Variants in FHIP1B observed in about 807,000 individuals in gnomAD.
FHIP1B encodes the protein FHF complex subunit HOOK-interacting protein 1B.
In FHIP1B, 28 loss-of-function variants were observed where a neutral mutation model predicts 82.2. That is an observed-to-expected ratio of 0.34 (90% CI 0.25 to 0.47). The LOEUF (loss-of-function observed/expected upper bound fraction) is 0.47. Among genes scored for constraint, FHIP1B ranks in the 20% least tolerant of loss-of-function variants. FHIP1B has a pLI of 1.00. For synonymous variants in FHIP1B, 585 were observed against 516.1 expected, an observed-to-expected ratio of 1.13 and a Z score of -1.81; for missense variants, 1,110 against 1,262.6, an observed-to-expected ratio of 0.88 and a Z score of 1.83.
rs1847077940 is a variant in FHIP1B, at chr11:6,211,726, G to GC, written c.2698dup (p.Ala900GlyfsTer14). 6.2e-7 allele frequency: 1 copy of GC among 1,614,106 alleles called. No individual in the cohort carries two copies. The highest frequency in any genetic ancestry group is 1.3e-5 in the African/African-American group (1 of 74,958). On this transcript the variant is annotated frameshift_variant, in exon 12 of 12. Coordinates refer to ENST00000449352, the MANE Select transcript of FHIP1B (RefSeq NM_001098794.2). LOFTEE classifies it high-confidence loss of function. ...CCGGGTGAGTAGAACTGGAGTTGAAGCCCCAGGGGAGCCCCCACTTAGGCC... is the reference window on the plus strand; with the variant it reads ...CCGGGTGAGTAGAACTGGAGTTGAAGCCCCCAGGGGAGCCCCCACTTAGGCC...
intron 9 of FHIP1B, chr11:6,215,293 G>A (rs1847194183): frequency 6.0e-6 from 1 of 165,382 alleles, no homozygotes; most frequent in South Asian, 2.0e-4. Context: ...GAGGATCAAA[G>A]AGTTATCAAT....
chr11:6,229,350 A>C (rs1185320630), intron 1 of FHIP1B, among the ~76,000 whole-genome samples: 1 of 152,244 alleles, frequency 6.6e-6, no homozygotes, highest in East Asian at 1.9e-4. Flanking sequence ...GTCACATAAC[A>C]ACCTATGTAG....
rs1847464923 is a variant in FHIP1B at position 6,223,200 on chromosome 11, C to T, written c.816G>A (p.Leu272=). ...CCCCTGGAACCTCAATCTTTCGAGG[C>T]AGTGATGAGTACAGGGCACTGAGCC... The part of the protein sequence containing the change: ...ATGLSALYSS[L]PRKIEVPGDD... The change falls in exon 4 of 12, where the codon CTG becomes CTA. Residue 272 remains leucine (L), a synonymous_variant. Transcript: ENST00000449352. The surrounding 1 kb of genome is among the most constrained non-coding windows in gnomAD (Gnocchi z 4.8). The T allele has an allele frequency of 1.2e-6, 2 of 1,605,182 alleles. No individual in the cohort carries two copies.
chr11:6,232,221 A>T (rs567887256), intron 1 of FHIP1B, among the ~76,000 whole-genome samples: 11 of 151,992 alleles, frequency 7.2e-5, no homozygotes, highest in Middle Eastern at 3.4e-3. Context: ...TAAGCTTACC[A>T]AATCCAGTGC....
intron 11 of FHIP1B, among the ~76,000 whole-genome samples, chr11:6,214,146 T>A (rs1336792919): frequency 6.8e-6 from 1 of 147,778 alleles, no homozygotes; most frequent in Non-Finnish European, 1.5e-5. Context: ...TAAGCTGTAA[T>A]AATATCGCAA....
chr11:6,233,081 C>A (rs1267484496), intron 1 of FHIP1B, among the ~76,000 whole-genome samples: 5 of 152,290 alleles, frequency 3.3e-5, no homozygotes, highest in African/African-American at 1.2e-4. Flanking sequence ...TAAGTTCTGA[C>A]TGACTGGGCA....
rs1173309744 is a variant in FHIP1B at position 6,226,716 on chromosome 11, G to C, written c.-191-2009C>G. On this transcript the variant is annotated intron_variant, in intron 1 of 11. Coordinates refer to ENST00000449352, the MANE Select transcript of FHIP1B (RefSeq NM_001098794.2). The stretch of plus-strand genomic sequence containing the variant: ...AAGAGAGGCACAACATTAGTTGAAG[G>C]GTAAATGTGGGTGACGGTTATAAGT... Among the ~76,000 whole-genome samples the C allele has an allele frequency of 3.3e-5, 5 of 152,282 alleles. No homozygotes were observed. The East Asian group carries it at 9.6e-4, about 29-fold the overall frequency.
intron 1 of FHIP1B, among the ~76,000 whole-genome samples, chr11:6,230,448 GA>G (rs1847668697): frequency 6.6e-6 from 1 of 152,128 alleles, no homozygotes; most frequent in South Asian, 2.1e-4. Flanking sequence ...AATACAAAGG[GA>G]AAAACCAACC....
rs191657277 is a variant in FHIP1B at position 6,218,584 on chromosome 11, T to A, written c.1435+16A>T. The A allele has an allele frequency of 6.2e-7, 1 of 1,613,846 alleles. No homozygotes were observed. Among genetic ancestry groups the A allele is most frequent in the East Asian group, 2.2e-5 (1 of 44,834 alleles). The stretch of plus-strand genomic sequence containing the variant: ...CGTGATGTCCTCCCTTCTCCCTGTC[T>A]CTCTGCTAGGCCCACCTCGTGCCCA... On this transcript the variant is annotated intron_variant, in intron 8 of 11. Transcript: ENST00000449352.
In FHIP1B at chr11:6,223,034, T is replaced by C; in HGVS notation, c.936+46A>G. ...GAACTCCAGGGAATATACCCCCTCC[T>C]ACCTAATCTCCCAAAAATGACCAAG... On this transcript the variant is annotated intron_variant, in intron 4 of 11. Coordinates refer to ENST00000449352, the MANE Select transcript of FHIP1B (RefSeq NM_001098794.2). The surrounding 1 kb of genome is among the most constrained non-coding windows in gnomAD (Gnocchi z 4.8). 1.9e-6 allele frequency: 3 copies of C among 1,574,084 alleles called. No homozygotes were observed. Among genetic ancestry groups the C allele is most frequent in the East Asian group, 2.2e-5 (1 of 44,550 alleles).
intron 6 of FHIP1B, among the ~76,000 whole-genome samples, chr11:6,221,995 CT>C (rs1847421590): frequency 6.6e-6 from 1 of 152,158 alleles, no homozygotes; most frequent in Non-Finnish European, 1.5e-5. Flanking sequence ...GTGCTCCAAG[CT>C]ATAGTTCAAA....
Position 6,217,520 on chromosome 11 carries a change from C to G in FHIP1B, c.2066G>C (p.Gly689Ala), listed in dbSNP as rs761129829. 1.9e-6 allele frequency: 3 copies of G among 1,611,260 alleles called. No individual in the cohort carries two copies. Among genetic ancestry groups the G allele is most frequent in the Non-Finnish European group, 2.5e-6 (3 of 1,178,308 alleles). Residue 689 changes from glycine to alanine, a missense_variant, in exon 9 of 12, where the codon GGA (glycine) becomes GCA (alanine). Physicochemically the swap from Gly to Ala is moderately conservative, Grantham distance 60. Transcript: ENST00000449352. The part of the protein sequence containing the change: ...RELEVALSNG[G>A]TGSESPLEPP... ...TTCTAAGGGGGACTCTGAGCCAGTT[C>G]CCCCATTGCTCAATGCCACCTCTAG...
chr11:6,230,264 A>G lies in FHIP1B; in HGVS notation c.-192+4280T>C, dbSNP rs115961944. Among the ~76,000 whole-genome samples the G allele has an allele frequency of 4.1e-3, 629 of 152,304 alleles. 5 individuals carry two copies. The highest frequency in any genetic ancestry group is 0.014 in the African/African-American group (591 of 41,552). On this transcript the variant is annotated intron_variant, in intron 1 of 11. Coordinates refer to ENST00000449352, the MANE Select transcript of FHIP1B (RefSeq NM_001098794.2). The stretch of plus-strand genomic sequence containing the variant: ...GAAGGGATATACCTGCAACACCTAC[A>G]TTGGACAGAGAGACCAAAATGATCT...
chr11:6,212,576 A>C (rs1354121953), intron 11 of FHIP1B, among the ~76,000 whole-genome samples: 1 of 152,234 alleles, frequency 6.6e-6, no homozygotes, highest in Admixed American at 6.5e-5. Context: ...AAGTCAGCTT[A>C]GGCTCAAGTG....
At chr11:6,229,100 T>C (rs1284980319) in intron 1 of FHIP1B, among the ~76,000 whole-genome samples, 1 of 152,250 alleles carries the variant, frequency 6.6e-6, no homozygotes, top group African/African-American at 2.4e-5. Context: ...AGAGTATTAA[T>C]GTTTATGGAA....
Position 6,222,697 on chromosome 11 carries a change from G to A in FHIP1B, c.1024-88C>T, listed in dbSNP as rs1847446024. 8 of 1,561,774 alleles carry A rather than the reference G, an allele frequency of 5.1e-6. No homozygotes were observed. The Middle Eastern group carries it at 1.0e-3, about 205-fold the overall frequency. On this transcript the variant is annotated intron_variant, in intron 5 of 11. Transcript: ENST00000449352. ...CCCTGGATTCTAAGAGAAATCAGGA[G>A]CAGACAGGGCAAAAGGGAGGAGTAC... is the stretch of plus-strand genomic sequence containing the variant.
At chr11:6,213,518 C>T (rs1432746394) in intron 11 of FHIP1B, among the ~76,000 whole-genome samples, 1 of 152,230 alleles carries the variant, frequency 6.6e-6, no homozygotes, top group Non-Finnish European at 1.5e-5. Context: ...TTCCTCTAGT[C>T]ACTCTCCAGA....
intron 1 of FHIP1B, among the ~76,000 whole-genome samples, chr11:6,233,059 A>G (rs1307456390): frequency 6.6e-6 from 1 of 152,176 alleles, no homozygotes; most frequent in Non-Finnish European, 1.5e-5. Flanking sequence ...CACTACTCTA[A>G]ACTCTGAACT....
Position 6,223,488 on chromosome 11 carries a change from T to C in FHIP1B, c.777+122A>G. 1 of 1,321,258 alleles carries C rather than the reference T, an allele frequency of 7.6e-7. No homozygotes were observed. The highest frequency in any genetic ancestry group is 1.0e-6 in the Non-Finnish European group (1 of 960,570). 81.8% of individuals were successfully genotyped at this position (1,321,258 alleles called of 1,614,324 possible). A position where few individuals can be genotyped will look rare whatever the true frequency, so the allele number is the denominator to read the frequency against. On this transcript the variant is annotated intron_variant, in intron 3 of 11. Transcript: ENST00000449352. This position sits in a 1 kb window ranked among gnomAD's most constrained non-coding sequence, Gnocchi z 4.8. ...ACAACTCCAGGGGGCTGCTTTCAAA[T>C]CCAGGAACTGTTTCCTAGGGGAACG...
Sources: allele counts gnomAD v4.1 joint callset (sites outside exome capture counted in the v4.1 genomes callset), GRCh38; gene constraint gnomAD v4.1.1; non-coding constraint Gnocchi (gnomAD v3.1); transcripts MANE v1.5; gene names NCBI Gene and HGNC (gene_info 2026-07-23, HGNC 2026-07-21).